KIAA1217: variants seen among roughly 807,000 people sequenced by gnomAD.
The protein encoded by KIAA1217 is KIAA1217.
A neutral mutation model predicts 163.9 loss-of-function variants in KIAA1217; 88 were observed. The ratio of observed to expected loss-of-function variants is 0.54; its 90% CI spans 0.45 to 0.64. The LOEUF (loss-of-function observed/expected upper bound fraction) is 0.64. Among genes scored for constraint, KIAA1217 ranks in the 30% least tolerant of loss-of-function variants. The probability of loss-of-function intolerance (pLI) is 0.00; values close to 1 mark genes in which losing one functional copy is unlikely to be tolerated. For synonymous variants in KIAA1217, 903 were observed against 923.1 expected (o/e 0.98, Z 0.39); for missense variants, 2,372 against 2,475.0 (o/e 0.96, Z 0.88).
intron 1 of KIAA1217, among the ~76,000 whole-genome samples, chr10:23,855,503 T>C (rs1395788373): frequency 1.3e-5 from 2 of 152,184 alleles, no homozygotes; most frequent in South Asian, 2.1e-4. Context: ...TTGGGGTTGC[T>C]CTTCTCGAGG....
At chr10:24,380,398 G>A (rs1346242565) in intron 2 of KIAA1217, among the ~76,000 whole-genome samples, 7 of 152,086 alleles carry the variant, frequency 4.6e-5, no homozygotes, top group Admixed American at 6.5e-5. Flanking sequence ...GGCCGAGGCA[G>A]GCGGATCACC....
intron 6 of KIAA1217, chr10:24,481,932 C>A (rs2064764222): frequency 6.6e-6 from 1 of 152,230 alleles, no homozygotes; most frequent in East Asian, 1.9e-4. Flanking sequence ...ATCATGGTAC[C>A]TATAAAAATG....
chr10:23,796,324 C>G (rs192302541), intron 1 of KIAA1217, among the ~76,000 whole-genome samples: 13 of 150,740 alleles, frequency 8.6e-5, no homozygotes, highest in Non-Finnish European at 1.3e-4. Flanking sequence ...ATAAGCCTTG[C>G]CTTCCCGAGA....
intron 1 of KIAA1217, among the ~76,000 whole-genome samples, chr10:23,826,511 CTGG>C (rs1837907167): frequency 6.6e-6 from 1 of 152,170 alleles, no homozygotes; most frequent in African/African-American, 2.4e-5. Flanking sequence ...ACAGCCTTGA[CTGG>C]TGATTTGAAA....
At chr10:23,782,765 A>T (rs1835315559) in intron 1 of KIAA1217, among the ~76,000 whole-genome samples, 1 of 152,112 alleles carries the variant, frequency 6.6e-6, no homozygotes, top group Non-Finnish European at 1.5e-5. Context: ...CACATATAGG[A>T]TTATGTCATA....
At chr10:24,184,281 G>A (rs1471724628) in intron 2 of KIAA1217, among the ~76,000 whole-genome samples, 2 of 152,134 alleles carry the variant, frequency 1.3e-5, no homozygotes, top group African/African-American at 2.4e-5. Flanking sequence ...GATAATAAAT[G>A]GGAGGGGTTT....
chr10:24,181,706 G>C (rs1001935660), intron 2 of KIAA1217, among the ~76,000 whole-genome samples: 31 of 152,338 alleles, frequency 2.0e-4, no homozygotes, highest in African/African-American at 6.7e-4. Flanking sequence ...GTCCAGGTTG[G>C]TGGTAGTAGG....
At chr10:24,150,745 C>T (rs2064572391) in intron 2 of KIAA1217, among the ~76,000 whole-genome samples, 1 of 151,992 alleles carries the variant, frequency 6.6e-6, no homozygotes, top group Non-Finnish European at 1.5e-5. Context: ...TAGGAATCTC[C>T]CCTCCTCCCA....
chr10:23,960,041 G>A (rs182713572), intron 1 of KIAA1217, among the ~76,000 whole-genome samples: 8 of 147,898 alleles, frequency 5.4e-5, no homozygotes, highest in East Asian at 2.1e-4. Flanking sequence ...TCAGCCTCCC[G>A]AGTAGCTGCA....
rs144204662 is a variant in KIAA1217, at chr10:23,993,068, G to C, written c.-320-14157G>C. 4.9e-4 allele frequency among the ~76,000 whole-genome samples: 55 copies of C among 112,050 alleles called. 1 individual carries two copies. Among genetic ancestry groups the C allele is most frequent in the African/African-American group, 1.8e-3 (52 of 28,462 alleles). The allele number at this position is 112,050 out of a possible 152,430, so 73.5% of individuals were successfully genotyped here. On this transcript the variant is annotated intron_variant, in intron 1 of 18. Coordinates refer to the KIAA1217 transcript ENST00000376462. ...TTTTTTTGAGATGGAGTCTTACTCT[G>C]TTGCCCAGGCTTGAATGCAGTGGTG...
intron 1 of KIAA1217, among the ~76,000 whole-genome samples, chr10:23,975,931 T>C (rs1257926686): frequency 3.9e-5 from 6 of 152,182 alleles, no homozygotes; most frequent in Non-Finnish European, 5.9e-5. Context: ...TGATGACCTG[T>C]CAGGGCTGGC....
chr10:23,998,622 G>A (rs561086669), intron 1 of KIAA1217, among the ~76,000 whole-genome samples: 1 of 152,310 alleles, frequency 6.6e-6, no homozygotes, highest in East Asian at 1.9e-4. Flanking sequence ...GTTTGATACA[G>A]TTAAAAAGGC....
chr10:24,258,844 G>C (rs7068454), intron 2 of KIAA1217, among the ~76,000 whole-genome samples: 6 of 151,850 alleles, frequency 4.0e-5, no homozygotes, highest in Non-Finnish European at 7.4e-5. Context: ...CCGCCCGCCT[G>C]GGCCTCCCAA....
intron 1 of KIAA1217, among the ~76,000 whole-genome samples, chr10:23,797,727 G>A (rs11812968): frequency 1.3e-5 from 2 of 152,100 alleles, no homozygotes; most frequent in Admixed American, 6.5e-5. Flanking sequence ...AAAACAAGGG[G>A]GAAATCTGCC....
At chr10:23,731,071 T>G (rs1838447997) in intron 1 of KIAA1217, among the ~76,000 whole-genome samples, 2 of 152,202 alleles carry the variant, frequency 1.3e-5, no homozygotes, top group East Asian at 1.9e-4. Flanking sequence ...TTATTTCACT[T>G]TATTTTATGC....
At chr10:24,315,292 C>T (rs1590886350) in intron 2 of KIAA1217, among the ~76,000 whole-genome samples, 1 of 152,056 alleles carries the variant, frequency 6.6e-6, no homozygotes, top group Admixed American at 6.6e-5. Flanking sequence ...TGAATTTTTT[C>T]AAAGGTAAAA....
intron 1 of KIAA1217, among the ~76,000 whole-genome samples, chr10:23,806,331 A>C (rs935498033): frequency 6.6e-6 from 1 of 152,242 alleles, no homozygotes; most frequent in Admixed American, 6.5e-5. Flanking sequence ...ACAAATCCAA[A>C]CTGAAAAATA....
chr10:23,710,294 T>A (rs1300883098), intron 1 of KIAA1217, among the ~76,000 whole-genome samples: 7 of 152,208 alleles, frequency 4.6e-5, no homozygotes, highest in Non-Finnish European at 7.3e-5. Flanking sequence ...TGGTGTGTTC[T>A]AATCAAATAA....
rs1305328032 is a variant in KIAA1217, at chr10:24,527,926, A to T, written c.2899-10A>T. 1 of 1,611,108 alleles carries T rather than the reference A, an allele frequency of 6.2e-7. No individual in the cohort carries two copies. The highest frequency in any genetic ancestry group is 1.3e-5 in the African/African-American group (1 of 74,752). The stretch of plus-strand genomic sequence containing the variant: ...CCACGTAACTTCCTTTACGTGCTAT[A>T]TTCCTCCAGAAAGCAGAAAAGAAAT... On this transcript the variant is annotated splice_polypyrimidine_tract_variant and intron_variant, in intron 13 of 20. Coordinates refer to ENST00000376454, the MANE Select transcript of KIAA1217 (RefSeq NM_019590.5).
Sources: allele counts gnomAD v4.1 joint callset (sites outside exome capture counted in the v4.1 genomes callset), GRCh38; gene constraint gnomAD v4.1.1; transcripts MANE v1.5; gene names NCBI Gene and HGNC (gene_info 2026-07-23, HGNC 2026-07-21).